IL1RAPL1: variants seen among roughly 807,000 people sequenced by gnomAD.
The protein encoded by IL1RAPL1 is interleukin 1 receptor accessory protein like 1.
In IL1RAPL1, 3 loss-of-function variants were observed where a neutral mutation model predicts 48.4. That is an observed-to-expected ratio of 0.06 (90% CI 0.03 to 0.16). The LOEUF is 0.16. Ranked by LOEUF, IL1RAPL1 falls within the 10% of genes least tolerant of loss-of-function variation. IL1RAPL1 has a pLI of 1.00. For missense variants in IL1RAPL1, 349 were observed against 530.6 expected, an observed-to-expected ratio of 0.66 and a Z score of 3.36; for synonymous variants, 185 against 187.7, an observed-to-expected ratio of 0.99 and a Z score of 0.12.
intron 2 of IL1RAPL1, among the ~76,000 whole-genome samples, chrX:28,945,565 C>A (rs1924277376): frequency 9.1e-6 from 1 of 109,655 alleles, no homozygotes; most frequent in African/African-American, 3.3e-5. Flanking sequence ...ACACATGACA[C>A]AGGGAGGGGA....
chrX:29,570,388 T>A (rs1056357498), intron 5 of IL1RAPL1, among the ~76,000 whole-genome samples: 1 of 112,541 alleles, frequency 8.9e-6, no homozygotes, highest in African/African-American at 3.2e-5. Context: ...AGACATTACA[T>A]GCTTTCTTAG....
intron 5 of IL1RAPL1, among the ~76,000 whole-genome samples, chrX:29,664,292 T>C (rs1358253278): frequency 9.2e-6 from 1 of 108,935 alleles, no homozygotes; most frequent in Non-Finnish European, 1.9e-5. Context: ...TATTCCCAGC[T>C]ACTCGGGAGG....
intron 1 of IL1RAPL1, among the ~76,000 whole-genome samples, chrX:28,693,279 A>G (rs1935198226): frequency 8.9e-6 from 1 of 112,138 alleles, no homozygotes. Flanking sequence ...ATTGCAACAT[A>G]TCCAGCACAT....
At chrX:29,915,925 G>C (rs1345549975) in intron 6 of IL1RAPL1, among the ~76,000 whole-genome samples, 4 of 63,943 alleles carry the variant, frequency 6.3e-5, no homozygotes, top group Admixed American at 2.3e-4. Context: ...ACAGTCCCCA[G>C]AGTGTGATAT....
At chrX:29,376,000 A>G (rs989798262) in intron 3 of IL1RAPL1, among the ~76,000 whole-genome samples, 2 of 111,585 alleles carry the variant, frequency 1.8e-5, no homozygotes, top group African/African-American at 3.3e-5. Flanking sequence ...TATTCTTTCA[A>G]AGAACCAACT....
intron 2 of IL1RAPL1, among the ~76,000 whole-genome samples, chrX:29,205,731 T>A (rs112084448): frequency 2.6e-4 from 13 of 49,832 alleles, no homozygotes; most frequent in Non-Finnish European, 8.0e-4. Flanking sequence ...ATTTTATTTT[T>A]TTTATTATTA....
At chrX:29,234,202 T>C (rs933762493) in intron 2 of IL1RAPL1, among the ~76,000 whole-genome samples, 2 of 112,385 alleles carry the variant, frequency 1.8e-5, no homozygotes, top group African/African-American at 3.2e-5. Flanking sequence ...TTAAGCACTA[T>C]TTTTTAATTT....
At chrX:29,742,849 T>C (rs1928239814) in intron 6 of IL1RAPL1, among the ~76,000 whole-genome samples, 2 of 111,314 alleles carry the variant, frequency 1.8e-5, no homozygotes, top group Admixed American at 1.9e-4. Flanking sequence ...TTCCCGTCTT[T>C]CCGGATTTGA....
In IL1RAPL1 at chrX:28,876,645, T is replaced by C. The variant is rs768665488; in HGVS notation, c.82+87220T>C. On this transcript the variant is annotated intron_variant, in intron 2 of 10. Transcript: ENST00000378993. ...ATGATAATGCTTCTCTTGTTAGAAC[T>C]GAATTTAGAATTGGCAGCAACAGAA... 6.3e-5 allele frequency among the ~76,000 whole-genome samples: 7 copies of C among 111,319 alleles called. No individual in the cohort carries two copies. The East Asian group carries it at 2.0e-3, about 32-fold the overall frequency.
At chrX:29,279,001 A>G (rs1287790401) in intron 2 of IL1RAPL1, among the ~76,000 whole-genome samples, 1 of 112,660 alleles carries the variant, frequency 8.9e-6, no homozygotes, top group Non-Finnish European at 1.9e-5. Flanking sequence ...AATACAATAT[A>G]GAAGGTGTGA....
At chrX:29,005,528 C>T (rs17333811) in intron 2 of IL1RAPL1, among the ~76,000 whole-genome samples, 4,378 of 111,481 alleles carry the variant, frequency 0.039, 178 homozygotes, top group East Asian at 0.25. Flanking sequence ...CACGTTTTAT[C>T]GGTTCTTTTA....
At chrX:28,670,011 T>C (rs1260926756) in intron 1 of IL1RAPL1, among the ~76,000 whole-genome samples, 1 of 110,380 alleles carries the variant, frequency 9.1e-6, no homozygotes, top group East Asian at 2.8e-4. Flanking sequence ...ATAAACACTT[T>C]GGTGCTATTC....
intron 3 of IL1RAPL1, among the ~76,000 whole-genome samples, chrX:29,309,282 A>G (rs1360683522): frequency 9.0e-6 from 1 of 111,372 alleles, no homozygotes; most frequent in Non-Finnish European, 1.9e-5. Flanking sequence ...GAGCTAGAGG[A>G]AAAGCACTGG....
At chrX:29,772,944 A>G in intron 6 of IL1RAPL1, among the ~76,000 whole-genome samples, 1 of 109,939 alleles carries the variant, frequency 9.1e-6, no homozygotes, top group Non-Finnish European at 1.9e-5. Context: ...CTTGCCACCT[A>G]TATAATGATC....
rs527237085 is a variant in IL1RAPL1 at position 29,471,128 on chromosome X, C to G, written c.703+71820C>G. On this transcript the variant is annotated intron_variant, in intron 5 of 10. Coordinates refer to ENST00000378993, the MANE Select transcript of IL1RAPL1 (RefSeq NM_014271.4). ...TCGAGAAAGTACCTTGGAAAATATA[C>G]AAATCACAGGAGCATCTGTGATCTG... is the stretch of plus-strand genomic sequence containing the variant. Among the ~76,000 whole-genome samples the G allele has an allele frequency of 2.6e-3, 286 of 109,818 alleles. 2 individuals carry two copies. The highest frequency in any genetic ancestry group is 7.1e-3 in the South Asian group (18 of 2,537).
At chrX:29,706,606 C>G (rs939767596) in intron 6 of IL1RAPL1, among the ~76,000 whole-genome samples, 1 of 111,919 alleles carries the variant, frequency 8.9e-6, no homozygotes, top group Non-Finnish European at 1.9e-5. Flanking sequence ...GACTCCATAT[C>G]TCACATCCAG....
intron 2 of IL1RAPL1, among the ~76,000 whole-genome samples, chrX:29,202,445 G>A (rs1350648692): frequency 8.9e-6 from 1 of 112,218 alleles, no homozygotes; most frequent in Non-Finnish European, 1.9e-5. Flanking sequence ...CTGGAAAGTA[G>A]TTTGGCTGTT....
intron 5 of IL1RAPL1, among the ~76,000 whole-genome samples, chrX:29,627,036 T>G (rs143284829): frequency 0.013 from 1,461 of 112,523 alleles, 24 homozygotes; most frequent in African/African-American, 0.044. Flanking sequence ...CATATGTATG[T>G]ATTAAGTTAT....
chrX:29,803,113 A>G lies in IL1RAPL1; in HGVS notation c.779-114351A>G, dbSNP rs777217340. On this transcript the variant is annotated intron_variant, in intron 6 of 10. Coordinates refer to ENST00000378993, the MANE Select transcript of IL1RAPL1 (RefSeq NM_014271.4). Reference sequence around the variant, plus strand: ...TATGTATACATGTATACATATATGTATATATGTGTATACATGTATGCATAT... The same window carrying G: ...TATGTATACATGTATACATATATGTGTATATGTGTATACATGTATGCATAT... Among the ~76,000 whole-genome samples, 82 of 91,220 alleles carry G rather than the reference A, an allele frequency of 9.0e-4. 3 individuals are homozygous for G. Among genetic ancestry groups the G allele is most frequent in the African/African-American group, 1.4e-3 (34 of 24,263 alleles). 79.2% of individuals were successfully genotyped at this position (91,220 alleles called of 115,157 possible).
Sources: gnomAD v4.1 joint callset for allele counts (sites outside exome capture counted in the v4.1 genomes callset) on GRCh38, gnomAD v4.1.1 for gene constraint, MANE v1.5 for transcripts, NCBI Gene and HGNC (gene_info 2026-07-23, HGNC 2026-07-21) for gene names.